The following KPNA1 variants were observed in gnomAD, a reference collection of about 807,000 sequenced individuals.
The protein encoded by KPNA1 is karyopherin subunit alpha 1.
Under a neutral mutation model 70.5 loss-of-function variants are expected in KPNA1, and 10 were observed. That is an observed-to-expected ratio of 0.14 (90% CI 0.09 to 0.24). KPNA1 has a LOEUF of 0.24. Ranked by LOEUF, KPNA1 falls within the 10% of genes least tolerant of loss-of-function variation. KPNA1 has a pLI of 1.00. For missense variants in KPNA1, 397 were observed against 637.9 expected, an observed-to-expected ratio of 0.62 and a Z score of 4.07; for synonymous variants, 192 against 221.9, an observed-to-expected ratio of 0.87 and a Z score of 1.20.
intron 2 of KPNA1, among the ~76,000 whole-genome samples, chr3:122,487,807 G>T (rs2076646379): frequency 6.6e-6 from 1 of 152,154 alleles, no homozygotes; most frequent in South Asian, 2.1e-4. Flanking sequence ...AATTCTGCAA[G>T]ATGAAAAAGT....
chr3:122,507,018 G>T (rs1188167636), intron 1 of KPNA1, among the ~76,000 whole-genome samples: 1 of 152,136 alleles, frequency 6.6e-6, no homozygotes, highest in African/African-American at 2.4e-5. Context: ...CAATATGAGG[G>T]CTTGGTTAAA....
intron 1 of KPNA1, among the ~76,000 whole-genome samples, chr3:122,504,636 C>G (rs73190171): frequency 1.9e-3 from 296 of 152,092 alleles, no homozygotes; most frequent in Non-Finnish European, 3.2e-3. Context: ...AAGAAACTGT[C>G]TGTGTGTGTG....
intron 2 of KPNA1, among the ~76,000 whole-genome samples, chr3:122,485,646 T>A (rs1037724840): frequency 6.6e-6 from 1 of 152,194 alleles, no homozygotes; most frequent in African/African-American, 2.4e-5. Context: ...AAAGGAATTT[T>A]TTTTTTAACA....
At chr3:122,498,968 CTAAG>C (rs1187186017) in intron 1 of KPNA1, among the ~76,000 whole-genome samples, 15 of 152,250 alleles carry the variant, frequency 9.9e-5, no homozygotes, top group Admixed American at 8.5e-4. Flanking sequence ...AAATTCATTC[CTAAG>C]TATTTAATTT....
intron 2 of KPNA1, among the ~76,000 whole-genome samples, chr3:122,488,492 C>T (rs1230623826): frequency 1.3e-5 from 2 of 152,122 alleles, no homozygotes; most frequent in Non-Finnish European, 2.9e-5. Flanking sequence ...ACACTCTAGC[C>T]TGCATGGGCA....
intron 2 of KPNA1, among the ~76,000 whole-genome samples, chr3:122,487,224 A>T (rs2076639700): frequency 6.6e-6 from 1 of 152,176 alleles, no homozygotes; most frequent in South Asian, 2.1e-4. Context: ...AACACCAGAC[A>T]TTTCTCCAAA....
At chr3:122,514,577 C>CT (rs1559778776) in intron 1 of KPNA1, 180 bp downstream of exon 1, 1 of 152,156 alleles carries the variant, frequency 6.6e-6, no homozygotes, top group Non-Finnish European at 1.5e-5. Flanking sequence ...GCCTTGTGGC[C>CT]GTTAGGACAG....
intron 1 of KPNA1, among the ~76,000 whole-genome samples, chr3:122,513,850 A>C (rs2076983651): frequency 6.6e-6 from 1 of 152,222 alleles, no homozygotes; most frequent in Non-Finnish European, 1.5e-5. Flanking sequence ...GGACAGTTTG[A>C]GCTCAGGAGT....
At position 122,463,926 on chromosome 3, in the gene KPNA1, C is replaced by A. The variant is rs1235843160; in HGVS notation, c.337+16G>T. 3.5e-6 allele frequency: 5 copies of A among 1,446,762 alleles called. No individual in the cohort carries two copies. In the Admixed American group the frequency reaches 7.0e-5, roughly 20 times the overall value. The allele number at this position is 1,446,762 out of a possible 1,614,324, so 89.6% of individuals were successfully genotyped here. On this transcript the variant is annotated intron_variant, in intron 4 of 13. Coordinates refer to ENST00000344337, the MANE Select transcript of KPNA1 (RefSeq NM_002264.4). ...TAGAGAGATGAAAAAATATACTGAA[C>A]ATATTCATAGCTCACCTTTTGAAAG...
chr3:122,505,145 A>C (rs886850967), intron 1 of KPNA1, among the ~76,000 whole-genome samples: 2 of 151,996 alleles, frequency 1.3e-5, no homozygotes, highest in African/African-American at 2.4e-5. Flanking sequence ...CTCTACTAAA[A>C]ATACAAAAAT....
chr3:122,434,799 G>T (rs1183866840), intron 11 of KPNA1, among the ~76,000 whole-genome samples: 1 of 152,122 alleles, frequency 6.6e-6, no homozygotes, highest in Non-Finnish European at 1.5e-5. Flanking sequence ...CCTAACATGG[G>T]TTTATATCAT....
chr3:122,440,833 T>C (rs2076052994), intron 10 of KPNA1, among the ~76,000 whole-genome samples: 1 of 152,210 alleles, frequency 6.6e-6, no homozygotes, highest in South Asian at 2.1e-4. Context: ...GGGGAACTGA[T>C]GGTGCCATTC....
chr3:122,467,202 C>CT, intron 3 of KPNA1, 120 bp downstream of exon 3: 1 of 503,404 alleles, frequency 2.0e-6, no homozygotes, highest in Non-Finnish European at 3.5e-6. Context: ...TAAGCATATT[C>CT]TTTTTAAAAA....
intron 1 of KPNA1, among the ~76,000 whole-genome samples, chr3:122,510,178 C>G (rs540767884): frequency 6.6e-6 from 1 of 152,252 alleles, no homozygotes; most frequent in African/African-American, 2.4e-5. Context: ...TGTAAGATGT[C>G]AGGAAGTTTT....
chr3:122,427,797 C>A, intron 12 of KPNA1, 81 bp from the exon 13 acceptor site: 7 of 866,934 alleles, frequency 8.1e-6, no homozygotes, highest in Non-Finnish European at 1.2e-5. Context: ...TCATCCTCAA[C>A]TTCACTGCAG....
At position 122,427,663 on chromosome 3, in the gene KPNA1, A is replaced by G. The variant is rs768198808; in HGVS notation, c.1304T>C (p.Met435Thr). The part of the protein sequence containing the change: ...IKPLCDLLTV[M>T]DSKIVQVALN... ...GGCAACCTGTACAATCTTAGAGTCC[A>G]TGACCGTGAGGAGATCACAGAGCGG... is the stretch of plus-strand genomic sequence containing the variant. Residue 435 changes from methionine to threonine, a missense_variant, in exon 13 of 14, where the codon ATG becomes ACG. Physicochemically the swap from Met to Thr is moderately conservative, Grantham distance 81. Transcript: ENST00000344337. 2 of 1,613,986 alleles carry G rather than the reference A, an allele frequency of 1.2e-6. No individual in the cohort carries two copies. Among genetic ancestry groups the G allele is most frequent in the South Asian group, 1.1e-5 (1 of 91,080 alleles).
In KPNA1 at chr3:122,436,937, C is replaced by G. The variant is rs112781690; in HGVS notation, c.1122+233G>C. 3.3e-3 allele frequency among the ~76,000 whole-genome samples: 498 copies of G among 152,298 alleles called. 3 individuals carry two copies. Among genetic ancestry groups the G allele is most frequent in the African/African-American group, 0.011 (478 of 41,572 alleles). ...GGACTACAGGCACCTGCCACTGCGA[C>G]TGGCTAATTTTTTTGTATTTTTAGT... On this transcript the variant is annotated intron_variant, in intron 11 of 13. Coordinates refer to ENST00000344337, the MANE Select transcript of KPNA1 (RefSeq NM_002264.4).
At chr3:122,471,261 T>A (rs991862146) in intron 2 of KPNA1, among the ~76,000 whole-genome samples, 1 of 152,238 alleles carries the variant, frequency 6.6e-6, no homozygotes, top group Non-Finnish European at 1.5e-5. Context: ...TACACCTTTA[T>A]ATTTAGTCCC....
intron 11 of KPNA1, among the ~76,000 whole-genome samples, chr3:122,435,760 C>T (rs530499383): frequency 1.3e-3 from 202 of 152,326 alleles, no homozygotes; most frequent in African/African-American, 4.8e-3. Context: ...CCAATCAATA[C>T]TCTTATAATT....
Sources: gnomAD v4.1 joint callset for allele counts (sites outside exome capture counted in the v4.1 genomes callset) on GRCh38, gnomAD v4.1.1 for gene constraint, MANE v1.5 for transcripts, NCBI Gene and HGNC (gene_info 2026-07-23, HGNC 2026-07-21) for gene names.